LRRC1: variants seen among roughly 807,000 people sequenced by gnomAD.
LRRC1 encodes the protein leucine rich repeat containing 1, also known as leucine-rich repeat-containing protein 1.
A neutral mutation model predicts 69.9 loss-of-function variants in LRRC1; 28 were observed. The observed-to-expected ratio is 0.40, with a 90% CI of 0.30 to 0.55. LRRC1 has a LOEUF of 0.55. LRRC1 is among the 20% of genes least tolerant of loss of function. LRRC1 has a pLI of 0.47. For missense variants in LRRC1, 498 were observed against 609.0 expected, an observed-to-expected ratio of 0.82 and a Z score of 1.92; for synonymous variants, 236 against 240.2, an observed-to-expected ratio of 0.98 and a Z score of 0.16.
At chr6:53,921,533 G>A (rs1013320782) in intron 13 of LRRC1, among the ~76,000 whole-genome samples, 1 of 152,084 alleles carries the variant, frequency 6.6e-6, no homozygotes, top group African/African-American at 2.4e-5. Flanking sequence ...ACAAGTTTTT[G>A]TTCAGAAATT....
intron 4 of LRRC1, among the ~76,000 whole-genome samples, chr6:53,886,788 A>C (rs1394925227): frequency 6.6e-6 from 1 of 152,172 alleles, no homozygotes; most frequent in Non-Finnish European, 1.5e-5. Flanking sequence ...GGTGAAATAG[A>C]TCCCAGACTT....
intron 4 of LRRC1, among the ~76,000 whole-genome samples, chr6:53,892,988 A>G (rs1011005126): frequency 1.3e-5 from 2 of 152,170 alleles, no homozygotes; most frequent in African/African-American, 4.8e-5. Context: ...GTTACAGACA[A>G]TGTTTGATGA....
intron 13 of LRRC1, among the ~76,000 whole-genome samples, chr6:53,921,604 A>G (rs1486267362): frequency 6.6e-6 from 1 of 152,174 alleles, no homozygotes; most frequent in African/African-American, 2.4e-5. Flanking sequence ...TCAGACATCC[A>G]TCATCTCTAG....
At chr6:53,895,788 A>G (rs756371663) in intron 4 of LRRC1, among the ~76,000 whole-genome samples, 8 of 152,238 alleles carry the variant, frequency 5.3e-5, no homozygotes, top group Non-Finnish European at 1.2e-4. Context: ...ACTGGATTAC[A>G]TCCAAGAGGC....
rs770332848 is a variant in LRRC1, at chr6:53,919,482, A to T, written c.1107-16A>T. ...GGTTGTGATGTCTCTTTTTTTAAAA[A>T]AAAAAAAAAAAACAGGTTGCTGCAT... On this transcript the variant is annotated splice_polypyrimidine_tract_variant and intron_variant, in intron 11 of 13. Transcript: ENST00000370888. 2.2e-5 allele frequency: 33 copies of T among 1,480,394 alleles called. No homozygotes were observed. The highest frequency in any genetic ancestry group is 6.2e-6 in the Non-Finnish European group (7 of 1,121,066). The allele number at this position is 1,480,394 out of a possible 1,614,324, so 91.7% of individuals were successfully genotyped here. A position where few individuals can be genotyped will look rare whatever the true frequency, so the allele number is the denominator to read the frequency against.
intron 2 of LRRC1, among the ~76,000 whole-genome samples, chr6:53,863,765 G>T (rs1013072263): frequency 6.6e-6 from 1 of 151,956 alleles, no homozygotes; most frequent in Non-Finnish European, 1.5e-5. Flanking sequence ...TTTTTAATGG[G>T]ATCTGACACA....
intron 1 of LRRC1, among the ~76,000 whole-genome samples, chr6:53,803,103 G>A (rs1050032148): frequency 1.3e-5 from 2 of 152,154 alleles, no homozygotes; most frequent in African/African-American, 4.8e-5. Context: ...TGCATCTTCT[G>A]TACTGTAACA....
At chr6:53,799,221 A>G (rs1261945599) in intron 1 of LRRC1, among the ~76,000 whole-genome samples, 1 of 152,108 alleles carries the variant, frequency 6.6e-6, no homozygotes, top group Non-Finnish European at 1.5e-5. Context: ...CCCCTACATC[A>G]TTCTTTCTCA....
chr6:53,909,639 G>T (rs1325490857), intron 10 of LRRC1, among the ~76,000 whole-genome samples: 1 of 151,632 alleles, frequency 6.6e-6, no homozygotes, highest in Non-Finnish European at 1.5e-5. Flanking sequence ...GTAGCTATTA[G>T]TGGATATTTT....
intron 4 of LRRC1, among the ~76,000 whole-genome samples, chr6:53,892,563 A>G (rs1408830192): frequency 6.6e-6 from 1 of 152,176 alleles, no homozygotes; most frequent in Non-Finnish European, 1.5e-5. Context: ...GGGGTGCTGT[A>G]AGAGATGTGA....
At chr6:53,840,886 G>GTT (rs1765761395) in intron 1 of LRRC1, among the ~76,000 whole-genome samples, 10 of 53,930 alleles carry the variant, frequency 1.9e-4, no homozygotes, top group Non-Finnish European at 3.3e-4. Flanking sequence ...GTATGTGTTT[G>GTT]TGTGTGTGTG....
chr6:53,854,812 C>G (rs1390741651), intron 2 of LRRC1, among the ~76,000 whole-genome samples: 1 of 152,096 alleles, frequency 6.6e-6, no homozygotes, highest in African/African-American at 2.4e-5. Flanking sequence ...ATAGATATTC[C>G]TATCTTGCTT....
chr6:53,843,987 C>T (rs1765864525), intron 2 of LRRC1, among the ~76,000 whole-genome samples: 1 of 152,136 alleles, frequency 6.6e-6, no homozygotes, highest in African/African-American at 2.4e-5. Flanking sequence ...TTACCAGCCA[C>T]CCTAAAGGTT....
intron 2 of LRRC1, among the ~76,000 whole-genome samples, chr6:53,846,493 T>G (rs548249404): frequency 3.3e-5 from 5 of 152,318 alleles, no homozygotes; most frequent in South Asian, 2.1e-4. Flanking sequence ...CCGCTGGGCC[T>G]TCTTTTGCGG....
chr6:53,897,910 G>C (rs949189135), intron 7 of LRRC1, among the ~76,000 whole-genome samples: 2 of 152,170 alleles, frequency 1.3e-5, no homozygotes, highest in Non-Finnish European at 2.9e-5. Context: ...ATAGACTTCT[G>C]AGCACATAGT....
intron 2 of LRRC1, among the ~76,000 whole-genome samples, chr6:53,868,298 G>A (rs1050949000): frequency 2.0e-5 from 3 of 150,222 alleles, no homozygotes; most frequent in Non-Finnish European, 3.0e-5. Flanking sequence ...CTTGGCTCAC[G>A]GCAACCTCTG....
intron 1 of LRRC1, among the ~76,000 whole-genome samples, chr6:53,799,508 T>C (rs540997024): frequency 6.6e-6 from 1 of 152,366 alleles, no homozygotes; most frequent in East Asian, 1.9e-4. Flanking sequence ...GTGAAGCTAT[T>C]GTTGACACAA....
At chr6:53,832,105 AATCTTTGATCCT>A (rs1352621614) in intron 1 of LRRC1, among the ~76,000 whole-genome samples, 1 of 152,178 alleles carries the variant, frequency 6.6e-6, no homozygotes, top group Non-Finnish European at 1.5e-5. Context: ...GCCTCATAGG[AATCTTTGATCCT>A]ATTGGTATGA....
At chr6:53,849,485 C>T (rs1014447078) in intron 2 of LRRC1, among the ~76,000 whole-genome samples, 5 of 152,156 alleles carry the variant, frequency 3.3e-5, no homozygotes, top group Admixed American at 3.3e-4. Context: ...TTGAGGCCAC[C>T]CATTTTGCCG....
Sources: allele counts gnomAD v4.1 joint callset (sites outside exome capture counted in the v4.1 genomes callset), GRCh38; gene constraint gnomAD v4.1.1; transcripts MANE v1.5; gene names NCBI Gene and HGNC (gene_info 2026-07-23, HGNC 2026-07-21).